The following TMEM178B variants were observed in gnomAD, a reference collection of about 807,000 sequenced individuals.
The protein encoded by TMEM178B is transmembrane protein 178B.
Under a neutral mutation model 31.0 loss-of-function variants are expected in TMEM178B, and 5 were observed. The observed-to-expected ratio is 0.16, with a 90% CI of 0.08 to 0.34. The LOEUF (loss-of-function observed/expected upper bound fraction) is 0.34, where lower values mean the gene tolerates loss of function less well. Ranked by LOEUF, TMEM178B falls within the 10% of genes least tolerant of loss-of-function variation. The pLI is 1.00. For missense variants in TMEM178B, 275 were observed against 400.3 expected (o/e 0.69, Z 2.67); for synonymous variants, 164 against 164.0 (o/e 1.00, Z 0.00).
chr7:141,275,471 G>T (rs1418989571), intron 2 of TMEM178B, among the ~76,000 whole-genome samples: 1 of 152,164 alleles, frequency 6.6e-6, no homozygotes, highest in Non-Finnish European at 1.5e-5. Flanking sequence ...AGATGAAAGG[G>T]CACTGATGTC....
Position 141,081,645 on chromosome 7 carries a change from GA to G in TMEM178B, c.382+6964del, listed in dbSNP as rs537851643. On this transcript the variant is annotated intron_variant, in intron 1 of 3. Coordinates refer to ENST00000565468, the MANE Select transcript of TMEM178B (RefSeq NM_001195278.2). ...TAGTGAAACTCCATCTCAAAAAAAA[GA>G]AAAAAAAAAAGAAAGAAAATATTTC... Among the ~76,000 whole-genome samples, 697 of 126,956 alleles carry G rather than the reference GA, an allele frequency of 5.5e-3. 3 individuals carry two copies. Among genetic ancestry groups the G allele is most frequent in the Middle Eastern group, 0.02 (5 of 246 alleles). 83.3% of individuals were successfully genotyped at this position (126,956 alleles called of 152,430 possible). A position where few individuals can be genotyped will look rare whatever the true frequency, so the allele number is the denominator to read the frequency against.
downstream of TMEM178B, among the ~76,000 whole-genome samples, chr7:141,484,968 T>G (rs1296998180): frequency 6.6e-6 from 1 of 152,128 alleles, no homozygotes; most frequent in African/African-American, 2.4e-5. This position sits in a 1 kb window ranked among gnomAD's most constrained non-coding sequence, Gnocchi z 4.8. Context: ...CAATTTAAAC[T>G]AATGTCCATA....
At chr7:141,378,047 T>C (rs1472654132) in intron 2 of TMEM178B, among the ~76,000 whole-genome samples, 1 of 152,210 alleles carries the variant, frequency 6.6e-6, no homozygotes, top group African/African-American at 2.4e-5. Context: ...AGTCATCGTG[T>C]CTCCTTTGTC....
chr7:141,392,647 G>T (rs1242667696), intron 2 of TMEM178B, among the ~76,000 whole-genome samples: 1 of 151,968 alleles, frequency 6.6e-6, no homozygotes. Flanking sequence ...GTCTATTATG[G>T]TTGGGTTTCT....
chr7:141,285,153 TC>T (rs1554471677), intron 2 of TMEM178B, among the ~76,000 whole-genome samples: 2,289 of 52,680 alleles, frequency 0.043, 191 homozygotes, highest in Non-Finnish European at 0.058. Flanking sequence ...GATTCTTGTT[TC>T]TTTTTTTTTT....
chr7:141,239,294 C>T (rs1039438295), intron 2 of TMEM178B, among the ~76,000 whole-genome samples: 9 of 152,020 alleles, frequency 5.9e-5, no homozygotes, highest in African/African-American at 2.2e-4. Flanking sequence ...TGGGGAGTGC[C>T]ATGGGAGAGA....
chr7:141,342,605 G>A (rs1243974482), intron 2 of TMEM178B, among the ~76,000 whole-genome samples: 1 of 152,156 alleles, frequency 6.6e-6, no homozygotes, highest in Non-Finnish European at 1.5e-5. Context: ...TAGCCCTTTG[G>A]TTGATAAAGA....
chr7:141,281,447 A>G (rs544481296), intron 2 of TMEM178B, among the ~76,000 whole-genome samples: 3 of 152,258 alleles, frequency 2.0e-5, no homozygotes, highest in Admixed American at 6.5e-5. Context: ...TCATTTATCT[A>G]GTCTCTAGTT....
chr7:141,232,526 A>G (rs375324120), intron 2 of TMEM178B, among the ~76,000 whole-genome samples: 1 of 152,192 alleles, frequency 6.6e-6, no homozygotes, highest in Non-Finnish European at 1.5e-5. Context: ...ATGGTATCTC[A>G]TTGTGGTTTT....
intron 2 of TMEM178B, among the ~76,000 whole-genome samples, chr7:141,354,114 A>G (rs1026939032): frequency 1.2e-4 from 19 of 152,216 alleles, no homozygotes; most frequent in African/African-American, 4.6e-4. Flanking sequence ...CCTTAGAGCA[A>G]GCTTTAAAGA....
intron 1 of TMEM178B, among the ~76,000 whole-genome samples, chr7:141,102,113 C>G (rs1033223441): frequency 2.4e-4 from 37 of 151,946 alleles, no homozygotes; most frequent in African/African-American, 8.0e-4. Flanking sequence ...GGTTAGCAAC[C>G]CTATTTTATT....
intron 1 of TMEM178B, among the ~76,000 whole-genome samples, chr7:141,105,175 G>T (rs1330701387): frequency 2.6e-5 from 4 of 152,160 alleles, no homozygotes; most frequent in African/African-American, 9.7e-5. Context: ...AACTGTCATT[G>T]TATGAGCAAA....
At chr7:141,365,414 T>A (rs1037986566) in intron 2 of TMEM178B, among the ~76,000 whole-genome samples, 4 of 152,184 alleles carry the variant, frequency 2.6e-5, no homozygotes, top group Admixed American at 1.3e-4. Context: ...GGATTGAGCC[T>A]GTTTTAATTC....
chr7:141,340,733 T>C (rs1182756349), intron 2 of TMEM178B, among the ~76,000 whole-genome samples: 1 of 152,160 alleles, frequency 6.6e-6, no homozygotes, highest in Non-Finnish European at 1.5e-5. Flanking sequence ...TATCATACCT[T>C]GACATGAAAC....
chr7:141,499,581 G>C, the TMEM178B span, among the ~76,000 whole-genome samples: 1 of 151,790 alleles, frequency 6.6e-6, no homozygotes, highest in Non-Finnish European at 1.5e-5. Flanking sequence ...CGAGGCTTCA[G>C]TGAGCCATTT....
At chr7:141,310,789 C>T (rs1454621833) in intron 2 of TMEM178B, among the ~76,000 whole-genome samples, 1 of 152,150 alleles carries the variant, frequency 6.6e-6, no homozygotes, top group Admixed American at 6.5e-5. Context: ...ACCCAGCAAT[C>T]CATTACTGGA....
intron 2 of TMEM178B, among the ~76,000 whole-genome samples, chr7:141,254,826 A>G (rs118021027): frequency 0.014 from 2,082 of 152,372 alleles, 32 homozygotes; most frequent in South Asian, 0.055. Flanking sequence ...CTTAGATACC[A>G]GAATCTAAGT....
chr7:141,121,602 G>A (rs1795408406), intron 1 of TMEM178B, among the ~76,000 whole-genome samples: 1 of 152,104 alleles, frequency 6.6e-6, no homozygotes, highest in Admixed American at 6.5e-5. Flanking sequence ...GCATTTTTGA[G>A]TCCTGTTTGC....
chr7:141,135,413 T>C (rs758079118), intron 1 of TMEM178B, among the ~76,000 whole-genome samples: 16 of 152,190 alleles, frequency 1.1e-4, no homozygotes, highest in Non-Finnish European at 1.9e-4. Context: ...TTTTATCCAA[T>C]AGCTGCTGAA....
Sources: gnomAD v4.1 joint callset for allele counts (sites outside exome capture counted in the v4.1 genomes callset) on GRCh38, gnomAD v4.1.1 for gene constraint, Gnocchi (gnomAD v3.1) non-coding constraint, MANE v1.5 for transcripts, NCBI Gene and HGNC (gene_info 2026-07-23, HGNC 2026-07-21) for gene names.